Variants in FUT8 observed in about 807,000 individuals in gnomAD.
FUT8 encodes the protein alpha-(1,6)-fucosyltransferase.
A neutral mutation model predicts 71.3 loss-of-function variants in FUT8; 29 were observed. The observed-to-expected ratio is 0.41, with a 90% confidence interval of 0.30 to 0.55. The LOEUF (loss-of-function observed/expected upper bound fraction) is 0.55, where lower values mean the gene tolerates loss of function less well. FUT8 is among the 20% of genes least tolerant of loss of function. FUT8 has a pLI of 0.34. For synonymous variants in FUT8, 254 were observed against 239.3 expected (o/e 1.06, Z -0.57); for missense variants, 544 against 702.1 (o/e 0.77, Z 2.55).
chr14:65,677,167 CGCGCACGTATGTGTGT>C (rs1566890693), intron 7 of FUT8, among the ~76,000 whole-genome samples: 27 of 100,810 alleles, frequency 2.7e-4, no homozygotes, highest in African/African-American at 5.2e-4. Flanking sequence ...CGCGCATGCG[CGCGCACGTATGTGTGT>C]GCGCATGTGT....
intron 2 of FUT8, among the ~76,000 whole-genome samples, chr14:65,539,616 C>T (rs1282811972): frequency 1.3e-5 from 2 of 152,058 alleles, no homozygotes; most frequent in African/African-American, 4.8e-5. Flanking sequence ...TATTTATGTA[C>T]TAATAGAGAT....
At chr14:65,425,332 A>AT (rs929856640) in intron 1 of FUT8, among the ~76,000 whole-genome samples, 3 of 151,366 alleles carry the variant, frequency 2.0e-5, no homozygotes, top group Non-Finnish European at 2.9e-5. Context: ...CACCCAGCTA[A>AT]TTTTTTTGTA....
chr14:65,650,322 A>AC (rs1566875181), intron 6 of FUT8, among the ~76,000 whole-genome samples: 7 of 146,128 alleles, frequency 4.8e-5, no homozygotes, highest in South Asian at 4.5e-4. Context: ...AAAAAAAAAA[A>AC]AAAAACCTGA....
intron 2 of FUT8, among the ~76,000 whole-genome samples, chr14:65,505,427 C>T (rs2066715165): frequency 6.6e-6 from 1 of 151,484 alleles, no homozygotes; most frequent in African/African-American, 2.4e-5. Flanking sequence ...ATTCTCCTGC[C>T]TCAGCCTCCC....
intron 2 of FUT8, among the ~76,000 whole-genome samples, chr14:65,555,541 C>T (rs1885542713): frequency 6.6e-6 from 1 of 152,172 alleles, no homozygotes; most frequent in African/African-American, 2.4e-5. Context: ...GCAAATTCCA[C>T]CTACCTTAAA....
intron 2 of FUT8, among the ~76,000 whole-genome samples, chr14:65,521,731 C>T (rs1883092386): frequency 6.6e-6 from 1 of 152,140 alleles, no homozygotes; most frequent in African/African-American, 2.4e-5. Flanking sequence ...TTTTTGCTTT[C>T]CTGGTACATT....
the FUT8 span, among the ~76,000 whole-genome samples, chr14:65,401,351 C>T: frequency 6.6e-6 from 1 of 152,176 alleles, no homozygotes; most frequent in Admixed American, 6.5e-5. Flanking sequence ...CACCCATGTC[C>T]ATAGCCCTTG....
intron 5 of FUT8, among the ~76,000 whole-genome samples, chr14:65,620,198 T>C (rs979043777): frequency 6.6e-6 from 1 of 152,182 alleles, no homozygotes; most frequent in African/African-American, 2.4e-5. Context: ...CCAAGTTCTG[T>C]TTATGGTAAT....
intron 7 of FUT8, among the ~76,000 whole-genome samples, chr14:65,692,567 G>A (rs1393591069): frequency 1.3e-4 from 14 of 103,918 alleles, no homozygotes; most frequent in South Asian, 1.1e-3. Context: ...CTGACCCCCC[G>A]CACCTCCCTC....
chr14:65,634,876 C>T (rs61533229), intron 6 of FUT8, among the ~76,000 whole-genome samples: 18,857 of 151,978 alleles, frequency 0.12, 1,500 homozygotes, highest in East Asian at 0.38. Flanking sequence ...AGAATGATGG[C>T]GGTATTTTGA....
At chr14:65,726,962 G>A (rs1372794037) in intron 9 of FUT8, among the ~76,000 whole-genome samples, 1 of 152,224 alleles carries the variant, frequency 6.6e-6, no homozygotes, top group African/African-American at 2.4e-5. Context: ...CCGAAATCCA[G>A]TGGGGCAGTC....
chr14:65,593,831 C>G (rs908930904), intron 3 of FUT8, among the ~76,000 whole-genome samples: 7 of 152,238 alleles, frequency 4.6e-5, no homozygotes, highest in Non-Finnish European at 5.9e-5. Context: ...CTGCCTTGGC[C>G]TCCCAAAGTG....
At chr14:65,549,767 T>C (rs1419792275) in intron 2 of FUT8, among the ~76,000 whole-genome samples, 1 of 152,236 alleles carries the variant, frequency 6.6e-6, no homozygotes, top group Non-Finnish European at 1.5e-5. Flanking sequence ...TAAAACACTG[T>C]AGTATCTGAC....
intron 5 of FUT8, among the ~76,000 whole-genome samples, chr14:65,621,049 A>G (rs1243868551): frequency 6.6e-6 from 1 of 152,172 alleles, no homozygotes; most frequent in Non-Finnish European, 1.5e-5. Flanking sequence ...TTTTTCATCT[A>G]GTAGTTCTAA....
In FUT8 at chr14:65,697,955, C is replaced by T. The variant is rs1156277421; in HGVS notation, c.836-23820C>T. Among the ~76,000 whole-genome samples, 6 of 151,064 alleles carry T rather than the reference C, an allele frequency of 4.0e-5. No homozygotes were observed. The East Asian group carries it at 1.2e-3, about 29-fold the overall frequency. ...ACGCCATTCTGAGATCACGTCATTC[C>T]ACTCCAGCTTGGACAACAAGAGCGA... On this transcript the variant is annotated intron_variant, in intron 7 of 10. Transcript: ENST00000673929.
chr14:65,525,168 A>G (rs539254054), intron 2 of FUT8, among the ~76,000 whole-genome samples: 7 of 152,268 alleles, frequency 4.6e-5, no homozygotes, highest in African/African-American at 1.7e-4. Context: ...CTGTGGTAGA[A>G]TTCGGTTGTG....
chr14:65,696,415 AAGGCAC>A (rs935347985), intron 7 of FUT8, among the ~76,000 whole-genome samples: 2 of 152,166 alleles, frequency 1.3e-5, no homozygotes, highest in African/African-American at 4.8e-5. Flanking sequence ...TCCTGAAGAG[AAGGCAC>A]ATGTAAATAT....
intron 2 of FUT8, among the ~76,000 whole-genome samples, chr14:65,530,038 T>G (rs1202236382): frequency 6.6e-6 from 1 of 152,234 alleles, no homozygotes; most frequent in Non-Finnish European, 1.5e-5. Flanking sequence ...GTTTTTACCC[T>G]ATGCACATGT....
intron 9 of FUT8, among the ~76,000 whole-genome samples, chr14:65,726,632 T>C (rs1895700281): frequency 6.6e-6 from 1 of 152,206 alleles, no homozygotes; most frequent in African/African-American, 2.4e-5. Context: ...GAATTCAAGA[T>C]GAGATTTGGG....
Sources: gnomAD v4.1 joint callset for allele counts (sites outside exome capture counted in the v4.1 genomes callset) on GRCh38, gnomAD v4.1.1 for gene constraint, MANE v1.5 for transcripts, NCBI Gene and HGNC (gene_info 2026-07-23, HGNC 2026-07-21) for gene names.